The following COL4A5 variants were observed in gnomAD, a reference collection of about 807,000 sequenced individuals.
COL4A5 encodes collagen type IV alpha 5 chain, also known as collagen alpha-5(IV) chain.
COL4A5 carries 26 observed loss-of-function variants against 130.2 expected under a neutral mutation model. The observed-to-expected ratio is 0.20, with a 90% CI of 0.15 to 0.28. The LOEUF (loss-of-function observed/expected upper bound fraction) is 0.28. Ranked by LOEUF, COL4A5 falls within the 10% of genes least tolerant of loss-of-function variation. COL4A5 has a pLI of 1.00. For synonymous variants in COL4A5, 496 were observed against 439.6 expected, an observed-to-expected ratio of 1.13 and a Z score of -1.60; for missense variants, 1,131 against 1,344.3, an observed-to-expected ratio of 0.84 and a Z score of 2.48.
chrX:108,559,981 G>T (rs2065878463), intron 3 of COL4A5, among the ~76,000 whole-genome samples: 1 of 111,403 alleles, frequency 9.0e-6, no homozygotes, highest in Admixed American at 9.5e-5. Context: ...TAGGTGTTTA[G>T]ACAAGAGCCA....
chrX:108,476,776 G>C (rs1462426782), intron 1 of COL4A5, among the ~76,000 whole-genome samples: 1 of 110,624 alleles, frequency 9.0e-6, no homozygotes, highest in Non-Finnish European at 1.9e-5. Context: ...TCCTTTTATG[G>C]CTGAATAGTA....
rs747796389 is a variant in COL4A5, at chrX:108,609,981, A to C, written c.2395+3089A>C. ...CCAACTTTATTCTTAAAAAAAAAAA[A>C]AACACATTTCTTTGGCTATATTAGG... On this transcript the variant is annotated intron_variant, in intron 29 of 52. Coordinates refer to ENST00000328300, the MANE Select transcript of COL4A5 (RefSeq NM_033380.3). Among the ~76,000 whole-genome samples, 6 of 110,293 alleles carry C rather than the reference A, an allele frequency of 5.4e-5. No homozygotes were observed. The East Asian group carries it at 1.4e-3, about 26-fold the overall frequency.
chrX:108,684,070 A>G (rs992768572), intron 47 of COL4A5, among the ~76,000 whole-genome samples: 1 of 111,746 alleles, frequency 8.9e-6, no homozygotes, highest in African/African-American at 3.3e-5. Context: ...AACCAATGAG[A>G]ACAAAGACAC....
chrX:108,519,425 C>T (rs1333501327), intron 1 of COL4A5, among the ~76,000 whole-genome samples: 1 of 110,964 alleles, frequency 9.0e-6, no homozygotes, highest in African/African-American at 3.3e-5. Context: ...TCCCTTTTGA[C>T]TCCTAGATCA....
chrX:108,609,073 C>G (rs916933411), intron 29 of COL4A5, among the ~76,000 whole-genome samples: 1 of 111,822 alleles, frequency 8.9e-6, no homozygotes, highest in Non-Finnish European at 1.9e-5. Context: ...TTTTTGGCTA[C>G]TATGAGTGAA....
At position 108,621,825 on chromosome X, in the gene COL4A5, G is replaced by A. The variant is rs1464791008; in HGVS notation, c.2700G>A (p.Met900Ile). The change falls in exon 32 of 53, where the codon ATG becomes ATA. Residue 900 changes from methionine (M) to isoleucine (I), a missense_variant. Physicochemically the swap from Met to Ile is conservative, Grantham distance 10. Transcript: ENST00000328300. ...GFPGTKGEMGMMGPPGPPGPL... is the reference protein window; with the variant it reads ...GFPGTKGEMGIMGPPGPPGPL... ...AAGGTACCAAAGGTGAAATGGGTATGATGGGACCTCCAGGCCCACCAGGAC... is the reference window on the plus strand; with the variant it reads ...AAGGTACCAAAGGTGAAATGGGTATAATGGGACCTCCAGGCCCACCAGGAC... The A allele has an allele frequency of 8.3e-7, 1 of 1,206,893 alleles. No homozygotes were observed. The highest frequency in any genetic ancestry group is 1.1e-6 in the Non-Finnish European group (1 of 892,371).
At chrX:108,452,902 C>T (rs1356684605) in intron 1 of COL4A5, among the ~76,000 whole-genome samples, 2 of 110,684 alleles carry the variant, frequency 1.8e-5, no homozygotes, top group African/African-American at 6.6e-5. Context: ...CTGTCTTGTG[C>T]CAGTTTTCAA....
At chrX:108,591,017 C>T in intron 19 of COL4A5, 41 bp from the exon 20 acceptor site, 1 of 1,144,710 alleles carries the variant, frequency 8.7e-7, no homozygotes, top group African/African-American at 1.8e-5. Context: ...AAAGTAACAT[C>T]TCTAAGATGA....
At chrX:108,611,185 A>T (rs1361019215) in intron 29 of COL4A5, among the ~76,000 whole-genome samples, 1 of 111,445 alleles carries the variant, frequency 9.0e-6, no homozygotes, top group Admixed American at 9.6e-5. Context: ...TAATAAATTA[A>T]TAAGGCTAAT....
At chrX:108,529,087 A>G (rs908061584) in intron 1 of COL4A5, among the ~76,000 whole-genome samples, 6 of 111,843 alleles carry the variant, frequency 5.4e-5, no homozygotes, top group Non-Finnish European at 1.1e-4. Context: ...TCACTTCTAA[A>G]TGAAACCCTA....
At chrX:108,564,339 A>G (rs986534256) in intron 4 of COL4A5, among the ~76,000 whole-genome samples, 2 of 111,572 alleles carry the variant, frequency 1.8e-5, no homozygotes, top group African/African-American at 6.5e-5. Context: ...CCATGTATAA[A>G]CATTATCATT....
At chrX:108,508,799 A>G (rs919968825) in intron 1 of COL4A5, among the ~76,000 whole-genome samples, 1 of 111,819 alleles carries the variant, frequency 8.9e-6, no homozygotes, top group African/African-American at 3.3e-5. Flanking sequence ...TGACAAAAGC[A>G]AGCAATGGGG....
Position 108,580,692 on chromosome X carries a change from G to A in COL4A5, c.845G>A (p.Gly282Asp), listed in dbSNP as rs762239286. ...TTTTTATGTGTACAGGGTCCCCCAG[G>A]TGGTGAGAAAGGTGAGAAGGGTGAG... Reference protein sequence around the residue: ...PGIRGPPGPPGGEKGEKGEQG... With the variant: ...PGIRGPPGPPDGEKGEKGEQG... The change falls in exon 15 of 53, where the codon GGT (glycine) becomes GAT (aspartate). Residue 282 changes from glycine to aspartate, a missense_variant. Coordinates refer to ENST00000328300, the MANE Select transcript of COL4A5 (RefSeq NM_033380.3). 4.1e-6 allele frequency: 5 copies of A among 1,208,904 alleles called. No individual in the cohort carries two copies. The highest frequency in any genetic ancestry group is 3.0e-5 in the East Asian group (1 of 33,729).
At chrX:108,561,921 G>GA (rs757880714) in intron 3 of COL4A5, among the ~76,000 whole-genome samples, 2 of 111,669 alleles carry the variant, frequency 1.8e-5, no homozygotes, top group Non-Finnish European at 3.8e-5. Flanking sequence ...TTAGTACTTA[G>GA]AAAACAGCAG....
intron 1 of COL4A5, among the ~76,000 whole-genome samples, chrX:108,463,915 CTT>C (rs1169225053): frequency 8.9e-6 from 1 of 111,764 alleles, no homozygotes; most frequent in Non-Finnish European, 1.9e-5. Context: ...AGATTCCCCT[CTT>C]TTTATTGCAG....
Position 108,614,851 on chromosome X carries a change from C to A in COL4A5, c.2396-60C>A, listed in dbSNP as rs1051311295. The A allele has an allele frequency of 3.7e-6, 3 of 806,691 alleles. No homozygotes were observed. In the South Asian group the frequency reaches 6.3e-5, roughly 17 times the overall value. The allele number at this position is 806,691 out of a possible 1,213,427, so 66.5% of individuals were successfully genotyped here. A position where few individuals can be genotyped will look rare whatever the true frequency, so the allele number is the denominator to read the frequency against. Reference sequence around the variant, plus strand: ...GATTCTTGCTTAATATGATATGGTTCCCAAGGACTAGTGACTCAGGTGTTG... The same window carrying A: ...GATTCTTGCTTAATATGATATGGTTACCAAGGACTAGTGACTCAGGTGTTG... On this transcript the variant is annotated intron_variant, in intron 29 of 52. Coordinates refer to ENST00000328300, the MANE Select transcript of COL4A5 (RefSeq NM_033380.3).
intron 50 of COL4A5, chrX:108,694,467 C>CT (rs1269521454): frequency 4.0e-6 from 1 of 249,033 alleles, no homozygotes; most frequent in Non-Finnish European, 7.3e-6. Context: ...CAATTGAGTA[C>CT]TTTGACAACA....
chrX:108,654,814 G>A (rs917705405), intron 36 of COL4A5, among the ~76,000 whole-genome samples: 18 of 112,220 alleles, frequency 1.6e-4, no homozygotes, highest in Non-Finnish European at 2.4e-4. Flanking sequence ...TCAGTAGAAC[G>A]TACTATAGCT....
chrX:108,622,290 G>A (rs958780016), intron 32 of COL4A5, among the ~76,000 whole-genome samples: 1 of 110,670 alleles, frequency 9.0e-6, no homozygotes, highest in Non-Finnish European at 1.9e-5. Flanking sequence ...CACCACGCCC[G>A]GCTAATATTT....
Sources: gnomAD v4.1 joint callset for allele counts (sites outside exome capture counted in the v4.1 genomes callset) on GRCh38, gnomAD v4.1.1 for gene constraint, MANE v1.5 for transcripts, NCBI Gene and HGNC (gene_info 2026-07-23, HGNC 2026-07-21) for gene names.